The following RGS3 variants were observed in gnomAD, a reference collection of about 807,000 sequenced individuals.
RGS3 encodes the protein regulator of G-protein signalling 3.
RGS3 carries 80 observed loss-of-function variants against 132.6 expected under a neutral mutation model. The observed-to-expected ratio is 0.60, with a 90% CI of 0.50 to 0.73. RGS3 has a LOEUF of 0.73. RGS3 is among the 30% of genes least tolerant of loss of function. The pLI is 0.00. For synonymous variants in RGS3, 598 were observed against 620.6 expected (o/e 0.96, Z 0.54); for missense variants, 1,382 against 1,530.8 (o/e 0.90, Z 1.62).
At chr9:113,464,916 T>G (rs1368510423) in intron 3 of RGS3, among the ~76,000 whole-genome samples, 1 of 152,312 alleles carries the variant, frequency 6.6e-6, no homozygotes, top group Non-Finnish European at 1.5e-5. Context: ...CAACCTGCTT[T>G]TTTTCCTTAG....
chr9:113,460,696 A>G (rs1456653266), intron 1 of RGS3, among the ~76,000 whole-genome samples: 2 of 152,136 alleles, frequency 1.3e-5, no homozygotes, highest in Non-Finnish European at 2.9e-5. Context: ...TATATTATTT[A>G]ACACCATTTA....
rs139973281 is a variant in RGS3 at position 113,507,433 on chromosome 9, C to G, written c.1232C>G (p.Thr411Ser). 32 of 1,613,926 alleles carry G rather than the reference C, an allele frequency of 2.0e-5. No homozygotes were observed. The African/African-American group carries it at 3.1e-4, about 15-fold the overall frequency. Residue 411 changes from threonine to serine, a missense_variant, in exon 13 of 25, where the codon ACC becomes AGC. Thr to Ser is a moderately conservative substitution (Grantham distance 58). Coordinates refer to ENST00000350696, the Ensembl canonical transcript of RGS3. This position sits in a 1 kb window ranked among gnomAD's most constrained non-coding sequence, Gnocchi z 5.0. ...CCCAACAAACGGGAGAAGAACTGCA[C>G]CCATGGGGTCCAGGCACGGCCTGAG...
intron 14 of RGS3, among the ~76,000 whole-genome samples, chr9:113,509,167 C>T (rs1227175429): frequency 6.6e-6 from 1 of 151,926 alleles, no homozygotes. Context: ...CGCCAATAGT[C>T]CCAGCTACTC....
chr9:113,571,848 A>G lies in RGS3; in HGVS notation c.2038-11602A>G, dbSNP rs139747701. Reference sequence around the variant, plus strand: ...TAGATGTTTTATGTTTCATATTTAGATCTAAAATCCACTTGAAATAGATTT... The same window carrying G: ...TAGATGTTTTATGTTTCATATTTAGGTCTAAAATCCACTTGAAATAGATTT... On this transcript the variant is annotated intron_variant, in intron 19 of 24. Coordinates refer to ENST00000350696, the Ensembl canonical transcript of RGS3. 5.0e-3 allele frequency among the ~76,000 whole-genome samples: 769 copies of G among 152,306 alleles called. 4 individuals are homozygous for G. Among genetic ancestry groups the G allele is most frequent in the African/African-American group, 0.018 (731 of 41,548 alleles).
chr9:113,518,897 C>T (rs1344892741), intron 16 of RGS3, among the ~76,000 whole-genome samples: 9 of 152,046 alleles, frequency 5.9e-5, no homozygotes, highest in Non-Finnish European at 1.2e-4. Context: ...GTCTGGCATC[C>T]AAGGGTCAGA....
intron 20 of RGS3, among the ~76,000 whole-genome samples, chr9:113,589,411 G>A (rs566900339): frequency 6.6e-6 from 1 of 152,286 alleles, no homozygotes; most frequent in Admixed American, 6.5e-5. Context: ...CTGACTCCTA[G>A]GGCCAGAGCT....
At position 113,583,439 on chromosome 9, in the gene RGS3, T is replaced by A. The variant is rs778562934; in HGVS notation, c.2038-11T>A. On this transcript the variant is annotated splice_polypyrimidine_tract_variant and intron_variant, in intron 19 of 24. Transcript: ENST00000350696. Reference sequence around the variant, plus strand: ...CTTCTGAACTGTTCTTGTTTTCTTTTTGTTTCCCAGATGTTTGAGACGGAG... The same window carrying A: ...CTTCTGAACTGTTCTTGTTTTCTTTATGTTTCCCAGATGTTTGAGACGGAG... 3 of 1,613,828 alleles carry A rather than the reference T, an allele frequency of 1.9e-6. No individual in the cohort carries two copies. In the East Asian group the frequency reaches 6.7e-5, roughly 36 times the overall value.
Position 113,564,345 on chromosome 9 carries a change from G to A in RGS3, c.2038-19105G>A, listed in dbSNP as rs373382436. On this transcript the variant is annotated intron_variant, in intron 19 of 24. Coordinates refer to ENST00000350696, the Ensembl canonical transcript of RGS3. ...GTGAGGATTCAGTGAATTAATGCAG[G>A]CAGAGCTCTGGGAACAGGGCCTGGC... 1.1e-4 allele frequency among the ~76,000 whole-genome samples: 16 copies of A among 152,192 alleles called. No homozygotes were observed. The South Asian group carries it at 1.2e-3, about 12-fold the overall frequency.
At chr9:113,523,574 T>C (rs886983716) in intron 17 of RGS3, among the ~76,000 whole-genome samples, 34 of 152,254 alleles carry the variant, frequency 2.2e-4, no homozygotes, top group African/African-American at 7.7e-4. Context: ...TGCATGGCCC[T>C]GCGGAGCCCA....
intron 15 of RGS3, among the ~76,000 whole-genome samples, chr9:113,515,358 G>A (rs1462700429): frequency 6.6e-6 from 1 of 152,100 alleles, no homozygotes; most frequent in African/African-American, 2.4e-5. Context: ...TGGGCCAGGT[G>A]TGGTGGCTCA....
chr9:113,511,230 C>T (rs180787445), intron 14 of RGS3, among the ~76,000 whole-genome samples: 5 of 152,240 alleles, frequency 3.3e-5, no homozygotes, highest in South Asian at 2.1e-4. Flanking sequence ...TGCCAGGGCT[C>T]GCCTCAGAAT....
intron 18 of RGS3, among the ~76,000 whole-genome samples, chr9:113,532,822 A>C (rs747026881): frequency 1.3e-5 from 2 of 151,962 alleles, no homozygotes; most frequent in African/African-American, 2.4e-5. Context: ...TTTTGTAGGG[A>C]GGGGGACACC....
chr9:113,580,736 T>G, intron 19 of RGS3: 1 of 940,504 alleles, frequency 1.1e-6, no homozygotes, highest in Non-Finnish European at 1.3e-6. Context: ...CTCCTGGCTT[T>G]GTTTGGTTTG....
chr9:113,457,687 G>A (rs546811322), upstream of RGS3, among the ~76,000 whole-genome samples: 1 of 152,146 alleles, frequency 6.6e-6, no homozygotes, highest in Non-Finnish European at 1.5e-5. Context: ...TACTAGTTTA[G>A]CAACCTGATT....
At chr9:113,593,857 C>G in intron 21 of RGS3, 1 of 1,513,438 alleles carries the variant, frequency 6.6e-7, no homozygotes, top group South Asian at 1.3e-5. Flanking sequence ...CCCTGGCTCC[C>G]TCCTTCCCTT....
chr9:113,455,005 G>C (rs1039122121), intron 1 of RGS3, among the ~76,000 whole-genome samples: 7 of 152,088 alleles, frequency 4.6e-5, no homozygotes, highest in African/African-American at 1.7e-4. Flanking sequence ...TTGTGTGACT[G>C]TCTCCTCTCT....
chr9:113,553,545 T>C lies in RGS3; in HGVS notation c.2037+16627T>C, dbSNP rs1833446793. Among the ~76,000 whole-genome samples the C allele has an allele frequency of 2.1e-5, 3 of 140,308 alleles. No homozygotes were observed. In the South Asian group the frequency reaches 6.7e-4, roughly 31 times the overall value. The allele number at this position is 140,308 out of a possible 152,430, so 92.0% of individuals were successfully genotyped here. A position where few individuals can be genotyped will look rare whatever the true frequency, so the allele number is the denominator to read the frequency against. On this transcript the variant is annotated intron_variant, in intron 19 of 24. Transcript: ENST00000350696. ...TATAGAAATATATATTATATAATTA[T>C]AGAAATATTTTCGTGGCTGGGCGCT...
intron 19 of RGS3, among the ~76,000 whole-genome samples, chr9:113,549,803 T>A (rs1198351012): frequency 6.6e-6 from 1 of 152,220 alleles, no homozygotes; most frequent in South Asian, 2.1e-4. Flanking sequence ...ATTGTGTAGA[T>A]GAAACGTGCT....
chr9:113,540,423 C>A (rs907236061), intron 19 of RGS3, among the ~76,000 whole-genome samples: 1 of 152,206 alleles, frequency 6.6e-6, no homozygotes, highest in Admixed American at 6.5e-5. Context: ...CTATGGAATT[C>A]TCCTAATAGG....
Sources: gnomAD v4.1 joint callset for allele counts (sites outside exome capture counted in the v4.1 genomes callset) on GRCh38, gnomAD v4.1.1 for gene constraint, Gnocchi (gnomAD v3.1) non-coding constraint, MANE v1.5 for transcripts, NCBI Gene and HGNC (gene_info 2026-07-23, HGNC 2026-07-21) for gene names.